The following FXR1 variants were observed in gnomAD, a reference collection of about 807,000 sequenced individuals.
FXR1 encodes RNA-binding protein FXR1.
A neutral mutation model predicts 84.0 loss-of-function variants in FXR1; 15 were observed. The observed-to-expected ratio is 0.18, with a 90% confidence interval of 0.12 to 0.27. FXR1 has a LOEUF of 0.27. Among genes scored for constraint, FXR1 ranks in the 10% least tolerant of loss-of-function variants. FXR1 has a pLI of 1.00. For synonymous variants in FXR1, 245 were observed against 250.7 expected, an observed-to-expected ratio of 0.98 and a Z score of 0.21; for missense variants, 480 against 774.4, an observed-to-expected ratio of 0.62 and a Z score of 4.51.
intron 3 of FXR1, among the ~76,000 whole-genome samples, chr3:180,947,515 A>C (rs544813389): frequency 6.6e-6 from 1 of 152,316 alleles, no homozygotes; most frequent in African/African-American, 2.4e-5. Flanking sequence ...TCACTTTCTG[A>C]GAACAATTTT....
At chr3:180,963,983 T>A (rs1215081410) in intron 13 of FXR1, among the ~76,000 whole-genome samples, 2 of 152,184 alleles carry the variant, frequency 1.3e-5, no homozygotes, top group East Asian at 3.8e-4. Flanking sequence ...TTAAGGAAAA[T>A]AGAAATAAAT....
intron 9 of FXR1, among the ~76,000 whole-genome samples, chr3:180,954,514 A>T (rs1722545263): frequency 6.6e-6 from 1 of 152,192 alleles, no homozygotes; most frequent in Non-Finnish European, 1.5e-5. Flanking sequence ...TAGCTCTGTT[A>T]TTAATATGCA....
intron 1 of FXR1, among the ~76,000 whole-genome samples, chr3:180,914,124 A>G (rs1392856068): frequency 6.6e-6 from 1 of 152,178 alleles, no homozygotes; most frequent in African/African-American, 2.4e-5. Context: ...GCCTGTTGGA[A>G]ATGAGACTTT....
intron 10 of FXR1, among the ~76,000 whole-genome samples, chr3:180,959,251 T>TA (rs1407312220): frequency 6.6e-6 from 1 of 152,228 alleles, no homozygotes; most frequent in African/African-American, 2.4e-5. Flanking sequence ...TTTGTCGTGT[T>TA]TCTTCCCACA....
At chr3:180,968,416 G>A (rs914694680) in intron 14 of FXR1, 162 bp downstream of exon 14, 23 of 592,854 alleles carry the variant, frequency 3.9e-5, no homozygotes, top group African/African-American at 1.1e-4. Flanking sequence ...AAAAGCCCTC[G>A]TAGAGTGTTT....
At position 180,919,146 on chromosome 3, in the gene FXR1, A is replaced by C. The variant is rs529414312; in HGVS notation, c.51+6410A>C. On this transcript the variant is annotated intron_variant, in intron 1 of 16. Coordinates refer to ENST00000357559, the MANE Select transcript of FXR1 (RefSeq NM_005087.4). ...TTGCTTTAGACAAATCTGCTTTCTA[A>C]TATAGTAGCCACCAGCCATGGAGCT... 1.2e-4 allele frequency among the ~76,000 whole-genome samples: 18 copies of C among 152,324 alleles called. No homozygotes were observed. In the South Asian group the frequency reaches 1.9e-3, roughly 16 times the overall value.
intron 1 of FXR1, among the ~76,000 whole-genome samples, chr3:180,922,845 C>T (rs897446033): frequency 6.6e-6 from 1 of 152,102 alleles, no homozygotes; most frequent in Non-Finnish European, 1.5e-5. Flanking sequence ...AACTCCTGGA[C>T]TCAAGTGATC....
At chr3:180,926,325 T>G (rs1719173606) in intron 1 of FXR1, among the ~76,000 whole-genome samples, 2 of 151,896 alleles carry the variant, frequency 1.3e-5, no homozygotes, top group South Asian at 2.1e-4. Flanking sequence ...TTTGCTTCCT[T>G]AAGAGAATAA....
rs1714499720 is a variant in FXR1 at position 180,979,448 on chromosome 3, G to A, written c.*3156G>A. 2 of 152,208 alleles carry A rather than the reference G, an allele frequency of 1.3e-5. No individual in the cohort carries two copies. Among genetic ancestry groups the A allele is most frequent in the South Asian group, 2.1e-4 (1 of 4,828 alleles). The allele number at this position is 152,208 out of a possible 1,614,324, so 9.4% of individuals were successfully genotyped here. The stretch of plus-strand genomic sequence containing the variant: ...GGCAAAAAATCTCAAAGAAAAGGAT[G>A]TTTGTTACTGTCTCAGTCTTCCTGT... On this transcript the variant is annotated 3_prime_UTR_variant, in exon 17 of 17. Transcript: ENST00000357559.
At chr3:180,940,296 C>CT (rs1194242228) in intron 3 of FXR1, among the ~76,000 whole-genome samples, 4 of 152,026 alleles carry the variant, frequency 2.6e-5, no homozygotes, top group Non-Finnish European at 4.4e-5. Flanking sequence ...TTTTTGCTGA[C>CT]TAAAGATTGC....
chr3:180,935,878 A>G (rs1390190203), intron 3 of FXR1, among the ~76,000 whole-genome samples: 2 of 150,818 alleles, frequency 1.3e-5, no homozygotes, highest in South Asian at 2.1e-4. Flanking sequence ...CGGCCCTACA[A>G]ACATTTTATT....
intron 1 of FXR1, chr3:180,915,003 C>T: frequency 6.1e-6 from 5 of 822,196 alleles, no homozygotes; most frequent in Non-Finnish European, 7.3e-6. Context: ...TAGGTCTGTA[C>T]TTCACCTTAC....
At chr3:180,926,708 A>G (rs1241660686) in intron 1 of FXR1, among the ~76,000 whole-genome samples, 2 of 151,814 alleles carry the variant, frequency 1.3e-5, no homozygotes, top group Non-Finnish European at 2.9e-5. Context: ...TAGTCTGCCA[A>G]ATACTAAGGT....
At chr3:180,975,553 C>A in intron 16 of FXR1, 149 bp downstream of exon 16, 1 of 455,316 alleles carries the variant, frequency 2.2e-6, no homozygotes, top group South Asian at 4.5e-5. Flanking sequence ...TGTTCTTGGC[C>A]CCAGGTAACT....
intron 1 of FXR1, among the ~76,000 whole-genome samples, chr3:180,925,254 G>A (rs1719033273): frequency 6.6e-6 from 1 of 151,878 alleles, no homozygotes; most frequent in African/African-American, 2.4e-5. Flanking sequence ...CCAGCTACTC[G>A]GAAGGCTAAG....
chr3:180,947,284 T>G (rs930079418), intron 3 of FXR1, among the ~76,000 whole-genome samples: 1 of 152,316 alleles, frequency 6.6e-6, no homozygotes, highest in Non-Finnish European at 1.5e-5. Flanking sequence ...TGACCTCAGG[T>G]TATCCACCCA....
Position 180,935,120 on chromosome 3 carries a change from C to T in FXR1, c.105-18C>T. On this transcript the variant is annotated intron_variant, in intron 2 of 16. Coordinates refer to ENST00000357559, the MANE Select transcript of FXR1 (RefSeq NM_005087.4). ...TATATATTTTTAAGTTGTTAATACA[C>T]CTTTTCTAATCCTTCAGTTGGCAAC... 2 of 1,251,526 alleles carry T rather than the reference C, an allele frequency of 1.6e-6. No individual in the cohort carries two copies. The highest frequency in any genetic ancestry group is 1.9e-4 in the Middle Eastern group (1 of 5,352). 77.5% of individuals were successfully genotyped at this position (1,251,526 alleles called of 1,614,324 possible).
Position 180,934,991 on chromosome 3 carries a change from A to G in FXR1, c.105-147A>G, listed in dbSNP as rs957268184. 4 of 537,614 alleles carry G rather than the reference A, an allele frequency of 7.4e-6. No individual in the cohort carries two copies. In the Admixed American group the frequency reaches 1.4e-4, roughly 19 times the overall value. The allele number at this position is 537,614 out of a possible 1,614,324, so 33.3% of individuals were successfully genotyped here. On this transcript the variant is annotated intron_variant, in intron 2 of 16. Coordinates refer to ENST00000357559, the MANE Select transcript of FXR1 (RefSeq NM_005087.4). ...CAAAATCTGTTCTACTTCAGTAACT[A>G]ATTTCTTGGGAAATTATTAATAGTA...
intron 3 of FXR1, among the ~76,000 whole-genome samples, chr3:180,937,101 A>G (rs963876570): frequency 4.6e-5 from 7 of 152,156 alleles, no homozygotes; most frequent in Non-Finnish European, 7.3e-5. Flanking sequence ...TTGTATCTCT[A>G]ATAGTTTTCT....
Sources: allele counts gnomAD v4.1 joint callset (sites outside exome capture counted in the v4.1 genomes callset), GRCh38; gene constraint gnomAD v4.1.1; transcripts MANE v1.5; gene names NCBI Gene and HGNC (gene_info 2026-07-23, HGNC 2026-07-21).